The following DTNA variants were observed in gnomAD, a reference collection of about 807,000 sequenced individuals.
DTNA encodes dystrobrevin alpha, also known as dystrophin-related protein 3.
DTNA carries 43 observed loss-of-function variants against 100.7 expected under a neutral mutation model. The observed-to-expected ratio is 0.43, with a 90% CI of 0.33 to 0.55. The LOEUF (loss-of-function observed/expected upper bound fraction) is 0.55, where lower values mean the gene tolerates loss of function less well. Ranked by LOEUF, DTNA falls within the 20% of genes least tolerant of loss-of-function variation. The probability of loss-of-function intolerance (pLI) is 0.04; values close to 1 mark genes in which losing one functional copy is unlikely to be tolerated. For missense variants in DTNA, 798 were observed against 953.9 expected, an observed-to-expected ratio of 0.84 and a Z score of 2.15; for synonymous variants, 349 against 347.9, an observed-to-expected ratio of 1.00 and a Z score of -0.04.
At position 34,771,353 on chromosome 18, in the gene DTNA, G is replaced by A. The variant is rs28754753; in HGVS notation, c.148+5312G>A. On this transcript the variant is annotated intron_variant, in intron 3 of 22. Transcript: ENST00000444659. ...TCTCTACTAAAAATACAAATAATTA[G>A]CGGGGCGTGGTGGCGGGCGCCTGCA... is the stretch of plus-strand genomic sequence containing the variant. 2.5e-3 allele frequency among the ~76,000 whole-genome samples: 386 copies of A among 152,102 alleles called. 2 individuals are homozygous for A. The highest frequency in any genetic ancestry group is 8.9e-3 in the African/African-American group (371 of 41,484).
intron 14 of DTNA, among the ~76,000 whole-genome samples, chr18:34,850,936 G>T (rs16966076): frequency 0.18 from 27,608 of 151,996 alleles, 3,552 homozygotes; most frequent in African/African-American, 0.37. Flanking sequence ...CTGAAAATGA[G>T]GAGCTGGAGT....
chr18:34,762,235 A>G (rs918165440), intron 2 of DTNA, among the ~76,000 whole-genome samples: 4 of 152,376 alleles, frequency 2.6e-5, no homozygotes, highest in East Asian at 3.9e-4. Context: ...GAAAAATACC[A>G]TCTGATAAAA....
At chr18:34,819,684 G>T (rs1464579397) in intron 8 of DTNA, among the ~76,000 whole-genome samples, 1 of 152,132 alleles carries the variant, frequency 6.6e-6, no homozygotes, top group East Asian at 1.9e-4. Flanking sequence ...GTACAAAGAA[G>T]GATCAGACTC....
chr18:34,569,404 T>C (rs2047371743), intron 1 of DTNA, among the ~76,000 whole-genome samples: 1 of 151,910 alleles, frequency 6.6e-6, no homozygotes, highest in Admixed American at 6.6e-5. Context: ...CCAATAAAGA[T>C]AAGGGGAACT....
intron 1 of DTNA, among the ~76,000 whole-genome samples, chr18:34,574,978 C>G (rs962656690): frequency 6.6e-6 from 1 of 152,118 alleles, no homozygotes; most frequent in African/African-American, 2.4e-5. Flanking sequence ...GTATGGTAGT[C>G]TGGTTGAACA....
chr18:34,802,484 G>A (rs1284963120), intron 4 of DTNA, among the ~76,000 whole-genome samples: 1 of 152,156 alleles, frequency 6.6e-6, no homozygotes, highest in Non-Finnish European at 1.5e-5. Flanking sequence ...TTCCTGATGA[G>A]CATAGCTCCT....
intron 1 of DTNA, among the ~76,000 whole-genome samples, chr18:34,684,851 G>C (rs1316756167): frequency 1.3e-5 from 2 of 152,210 alleles, no homozygotes; most frequent in African/African-American, 4.8e-5. Context: ...TAACTGGCAT[G>C]AGATGGTATC....
At chr18:34,788,835 A>C (rs556621802) in intron 3 of DTNA, among the ~76,000 whole-genome samples, 175 of 152,312 alleles carry the variant, frequency 1.1e-3, no homozygotes, top group African/African-American at 4.0e-3. Context: ...TACTTGGCTA[A>C]AATTTAGTTT....
chr18:34,516,615 C>G (rs2041648947), intron 1 of DTNA, among the ~76,000 whole-genome samples: 1 of 152,114 alleles, frequency 6.6e-6, no homozygotes, highest in Admixed American at 6.6e-5. Context: ...CCTAGGAACG[C>G]ATTCTCTTTC....
intron 1 of DTNA, among the ~76,000 whole-genome samples, chr18:34,751,959 C>A (rs1008443659): frequency 6.6e-6 from 1 of 152,124 alleles, no homozygotes; most frequent in South Asian, 2.1e-4. Flanking sequence ...TTCTTATAAG[C>A]GAAAACAACA....
chr18:34,581,280 C>A (rs28550849), intron 1 of DTNA, among the ~76,000 whole-genome samples: 5 of 96,476 alleles, frequency 5.2e-5, no homozygotes, highest in South Asian at 7.9e-4. Context: ...AACAAAAAAA[C>A]AAAACAAAAA....
In DTNA at chr18:34,848,459, T is replaced by C. The variant is rs2096419261; in HGVS notation, c.1434+76T>C. 9.8e-6 allele frequency: 14 copies of C among 1,429,716 alleles called. 2 individuals are homozygous for C. The South Asian group carries it at 1.5e-4, about 16-fold the overall frequency. 88.6% of individuals were successfully genotyped at this position (1,429,716 alleles called of 1,614,324 possible). A position where few individuals can be genotyped will look rare whatever the true frequency, so the allele number is the denominator to read the frequency against. On this transcript the variant is annotated intron_variant, in intron 14 of 22. Coordinates refer to ENST00000444659, the MANE Select transcript of DTNA (RefSeq NM_001386795.1). ...ATTTTATATGTCATGTTTATTGTTA[T>C]TATAGCTGGTGCTGATTACCAGGAC... is the stretch of plus-strand genomic sequence containing the variant.
chr18:34,711,553 C>G (rs1315229715), intron 1 of DTNA, among the ~76,000 whole-genome samples: 1 of 152,114 alleles, frequency 6.6e-6, no homozygotes, highest in East Asian at 1.9e-4. Context: ...ATAGGAAAAT[C>G]TTTTTGAAAA....
intron 13 of DTNA, among the ~76,000 whole-genome samples, chr18:34,844,410 T>C (rs914110718): frequency 5.3e-5 from 8 of 152,152 alleles, no homozygotes. Flanking sequence ...GTCCCCAGTG[T>C]CACTTTGTTC....
intron 1 of DTNA, among the ~76,000 whole-genome samples, chr18:34,500,400 A>C (rs61515288): frequency 6.8e-6 from 1 of 146,508 alleles, no homozygotes; most frequent in East Asian, 2.0e-4. Flanking sequence ...TATCCTGGGA[A>C]CTCCTGAACT....
chr18:34,503,514 G>A (rs897980336), intron 1 of DTNA, among the ~76,000 whole-genome samples: 3 of 151,696 alleles, frequency 2.0e-5, no homozygotes, highest in East Asian at 1.9e-4. Flanking sequence ...TCGATCTCCC[G>A]ACCTCGTGAT....
chr18:34,578,465 T>C (rs2048324778), intron 1 of DTNA, among the ~76,000 whole-genome samples: 1 of 152,112 alleles, frequency 6.6e-6, no homozygotes, highest in South Asian at 2.1e-4. Flanking sequence ...AAAAGCTCTT[T>C]AGTTTAATTA....
intron 1 of DTNA, among the ~76,000 whole-genome samples, chr18:34,674,978 A>G (rs919137980): frequency 6.6e-6 from 1 of 152,154 alleles, no homozygotes; most frequent in Non-Finnish European, 1.5e-5. Flanking sequence ...CACGTGGTAT[A>G]TAGAGTTGGA....
chr18:34,802,530 A>G (rs1398411144), intron 4 of DTNA, among the ~76,000 whole-genome samples: 1 of 151,766 alleles, frequency 6.6e-6, no homozygotes, highest in African/African-American at 2.4e-5. Context: ...GCTTTTCTCT[A>G]CTCCTTGCTT....
Sources: gnomAD v4.1 joint callset for allele counts (sites outside exome capture counted in the v4.1 genomes callset) on GRCh38, gnomAD v4.1.1 for gene constraint, MANE v1.5 for transcripts, NCBI Gene and HGNC (gene_info 2026-07-23, HGNC 2026-07-21) for gene names.